NFAT5: variants seen among roughly 807,000 people sequenced by gnomAD.
The protein encoded by NFAT5 is nuclear factor of activated T-cells 5.
A neutral mutation model predicts 166.5 loss-of-function variants in NFAT5; 31 were observed. The observed-to-expected ratio is 0.19, with a 90% CI of 0.14 to 0.25. NFAT5 has a LOEUF of 0.25. NFAT5 is among the 10% of genes least tolerant of loss of function. The pLI is 1.00. For synonymous variants in NFAT5, 612 were observed against 639.7 expected, an observed-to-expected ratio of 0.96 and a Z score of 0.65; for missense variants, 1,449 against 1,821.8, an observed-to-expected ratio of 0.80 and a Z score of 3.72.
intron 4 of NFAT5, chr16:69,649,524 G>A (rs2035582007): frequency 1.0e-6 from 1 of 983,490 alleles, no homozygotes; most frequent in African/African-American, 1.8e-5. Context: ...ATAATTCATG[G>A]AGCAGAAATT....
chr16:69,695,586 G>T (rs1316944166), intron 14 of NFAT5: 3 of 473,836 alleles, frequency 6.3e-6, no homozygotes, highest in African/African-American at 5.9e-5. Flanking sequence ...GCTCATGCCT[G>T]TAATCCCAGC....
intron 6 of NFAT5, among the ~76,000 whole-genome samples, chr16:69,656,098 T>C (rs1202492975): frequency 6.6e-6 from 1 of 152,042 alleles, no homozygotes; most frequent in African/African-American, 2.4e-5. Flanking sequence ...CTGGCCAACA[T>C]GGTGAAACCC....
In NFAT5 at chr16:69,698,087, C is replaced by T. The variant is rs2037820340; in HGVS notation, c.*1736C>T. 6.6e-6 allele frequency: 1 copy of T among 151,654 alleles called. No homozygotes were observed. Among genetic ancestry groups the T allele is most frequent in the Non-Finnish European group, 1.5e-5 (1 of 67,834 alleles). The allele number at this position is 151,654 out of a possible 1,614,324, so 9.4% of individuals were successfully genotyped here. On this transcript the variant is annotated 3_prime_UTR_variant, in exon 15 of 15. Coordinates refer to ENST00000349945, the MANE Select transcript of NFAT5 (RefSeq NM_138713.4). ...TGAATGTGCTCTTTTGTCTTTTTCTCTTTTTTCTCATGTTTTCTTCCCTCC... is the reference window on the plus strand; with the variant it reads ...TGAATGTGCTCTTTTGTCTTTTTCTTTTTTTTCTCATGTTTTCTTCCCTCC...
At position 69,702,358 on chromosome 16, in the gene NFAT5, A is replaced by G. The variant is rs1483084199; in HGVS notation, c.*6007A>G. On this transcript the variant is annotated 3_prime_UTR_variant, in exon 15 of 15. Transcript: ENST00000349945. ...AAATGTAATTTACTTATAAGGGGAA[A>G]TAATTATGCTTTAGCACATCATTTT... is the stretch of plus-strand genomic sequence containing the variant. The G allele has an allele frequency of 1.3e-5, 2 of 152,530 alleles. No individual in the cohort carries two copies. The highest frequency in any genetic ancestry group is 4.8e-5 in the African/African-American group (2 of 41,470). 9.4% of individuals were successfully genotyped at this position (152,530 alleles called of 1,614,324 possible).
At chr16:69,571,846 A>G (rs1476253491) in intron 2 of NFAT5, among the ~76,000 whole-genome samples, 1 of 151,510 alleles carries the variant, frequency 6.6e-6, no homozygotes, top group African/African-American at 2.4e-5. Flanking sequence ...TGCAAGCTCC[A>G]CCTCCTGGGT....
chr16:69,580,690 C>G (rs1168694746), intron 2 of NFAT5, among the ~76,000 whole-genome samples: 1 of 152,128 alleles, frequency 6.6e-6, no homozygotes, highest in African/African-American at 2.4e-5. Flanking sequence ...GTGTCTCGCT[C>G]TGTCACCCAG....
At chr16:69,639,203 T>A (rs2035099065) in intron 3 of NFAT5, among the ~76,000 whole-genome samples, 1 of 152,236 alleles carries the variant, frequency 6.6e-6, no homozygotes, top group South Asian at 2.1e-4. Context: ...AAGTATTTAA[T>A]GTGTATATCT....
At chr16:69,689,011 C>T (rs938655559) in intron 11 of NFAT5, among the ~76,000 whole-genome samples, 5 of 152,206 alleles carry the variant, frequency 3.3e-5, no homozygotes, top group Non-Finnish European at 5.9e-5. Context: ...TGGTGGCTCA[C>T]GCCTATAATC....
At chr16:69,661,692 C>G (rs1265397143) in intron 7 of NFAT5, among the ~76,000 whole-genome samples, 1 of 151,758 alleles carries the variant, frequency 6.6e-6, no homozygotes, top group Non-Finnish European at 1.5e-5. Flanking sequence ...GTTCTCAATC[C>G]TGGGTGTAGG....
intron 3 of NFAT5, among the ~76,000 whole-genome samples, chr16:69,640,397 ATAT>A (rs1339438841): frequency 6.6e-6 from 1 of 152,206 alleles, no homozygotes; most frequent in Non-Finnish European, 1.5e-5. Flanking sequence ...CTTTGCATTA[ATAT>A]TATAAGAAAA....
chr16:69,586,293 A>G (rs1386216702), intron 2 of NFAT5, among the ~76,000 whole-genome samples: 3 of 152,208 alleles, frequency 2.0e-5, no homozygotes, highest in African/African-American at 4.8e-5. Context: ...ACCACTGACT[A>G]TGTTACATCT....
At position 69,644,215 on chromosome 16, in the gene NFAT5, A is replaced by G. The variant is rs184618883; in HGVS notation, c.254-2813A>G. On this transcript the variant is annotated intron_variant, in intron 3 of 14. Transcript: ENST00000349945. ...CAGGAGGATTGCTTGAGCCCAGGAG[A>G]TCAAGGCTGCAGTGAGCCATGATCG... Among the ~76,000 whole-genome samples, 21 of 152,052 alleles carry G rather than the reference A, an allele frequency of 1.4e-4. No individual in the cohort carries two copies. In the East Asian group the frequency reaches 4.1e-3, roughly 29 times the overall value.
intron 2 of NFAT5, among the ~76,000 whole-genome samples, 166 bp from the exon 3 acceptor site, chr16:69,626,237 C>T (rs1367072722): frequency 6.6e-6 from 1 of 152,138 alleles, no homozygotes; most frequent in Non-Finnish European, 1.5e-5. Flanking sequence ...CAGGTGTGAG[C>T]CACTGTGCTC....
At chr16:69,648,283 G>A (rs2035530789) in intron 4 of NFAT5, 1 of 984,062 alleles carries the variant, frequency 1.0e-6, no homozygotes, top group Non-Finnish European at 1.2e-6. Context: ...TTCCAATTGT[G>A]TCCTCATATG....
At chr16:69,595,222 T>C (rs1018951481) in intron 2 of NFAT5, among the ~76,000 whole-genome samples, 7 of 152,240 alleles carry the variant, frequency 4.6e-5, no homozygotes, top group African/African-American at 1.4e-4. Context: ...ATAAAAGTTA[T>C]GTGAATGTGG....
rs2016050422 is a variant in NFAT5 at position 69,566,543 on chromosome 16, G to A, written c.73+169G>A. Among the ~76,000 whole-genome samples the A allele has an allele frequency of 6.6e-6, 1 of 152,120 alleles. No homozygotes were observed. Among genetic ancestry groups the A allele is most frequent in the South Asian group, 2.1e-4 (1 of 4,834 alleles). On this transcript the variant is annotated intron_variant, in intron 1 of 14. Transcript: ENST00000349945. This position sits in a 1 kb window ranked among gnomAD's most constrained non-coding sequence, Gnocchi z 5.7. ...GGCCGAAGGGATCGGGGTGACGGTGGAGGGGGCGGGCGGAGCAGTGGCGGC... is the reference window on the plus strand; with the variant it reads ...GGCCGAAGGGATCGGGGTGACGGTGAAGGGGGCGGGCGGAGCAGTGGCGGC...
At chr16:69,645,990 T>A (rs1417722190) in intron 3 of NFAT5, among the ~76,000 whole-genome samples, 1 of 152,196 alleles carries the variant, frequency 6.6e-6, no homozygotes, top group East Asian at 1.9e-4. Flanking sequence ...ATAAATAGTT[T>A]TATAAAAAAT....
chr16:69,666,374 T>C (rs2036379510), intron 7 of NFAT5, among the ~76,000 whole-genome samples: 2 of 151,094 alleles, frequency 1.3e-5, no homozygotes, highest in Non-Finnish European at 3.0e-5. Flanking sequence ...ACCATCAGAG[T>C]GAACAGGCAA....
At chr16:69,688,684 A>G (rs1044092736) in intron 11 of NFAT5, among the ~76,000 whole-genome samples, 1 of 152,154 alleles carries the variant, frequency 6.6e-6, no homozygotes, top group African/African-American at 2.4e-5. Flanking sequence ...TTATTTTTAT[A>G]GGATTAACCA....
Sources: allele counts gnomAD v4.1 joint callset (sites outside exome capture counted in the v4.1 genomes callset), GRCh38; gene constraint gnomAD v4.1.1; non-coding constraint Gnocchi (gnomAD v3.1); transcripts MANE v1.5; gene names NCBI Gene and HGNC (gene_info 2026-07-23, HGNC 2026-07-21).